PRKCQ: variants seen among roughly 807,000 people sequenced by gnomAD.
PRKCQ encodes the protein protein kinase C theta.
In PRKCQ, 41 loss-of-function variants were observed where a neutral mutation model predicts 91.2. The ratio of observed to expected loss-of-function variants is 0.45; its 90% CI spans 0.35 to 0.58. The LOEUF (loss-of-function observed/expected upper bound fraction) is 0.58, where lower values mean the gene tolerates loss of function less well. Among genes scored for constraint, PRKCQ ranks in the 20% least tolerant of loss-of-function variants. PRKCQ has a pLI of 0.00. For synonymous variants in PRKCQ, 307 were observed against 316.9 expected (o/e 0.97, Z 0.33); for missense variants, 673 against 896.5 (o/e 0.75, Z 3.18).
chr10:6,428,423 C>T, intron 17 of PRKCQ, 61 bp from the exon 18 acceptor site: 3 of 1,564,326 alleles, frequency 1.9e-6, no homozygotes, highest in Non-Finnish European at 2.6e-6. Flanking sequence ...AGTTCATGAT[C>T]TTCACTTTTG....
intron 1 of PRKCQ, among the ~76,000 whole-genome samples, chr10:6,549,590 T>C (rs1840099524): frequency 6.6e-6 from 1 of 151,934 alleles, no homozygotes; most frequent in African/African-American, 2.4e-5. Context: ...TAGCTTTTCT[T>C]ATCATGGTAA....
At chr10:6,519,259 C>T (rs1041445700) in intron 1 of PRKCQ, among the ~76,000 whole-genome samples, 1 of 152,190 alleles carries the variant, frequency 6.6e-6, no homozygotes, top group African/African-American at 2.4e-5. Flanking sequence ...TGCCTCAGGA[C>T]TAAGCTGTGT....
chr10:6,575,256 G>A (rs991259493), intron 1 of PRKCQ, among the ~76,000 whole-genome samples: 8 of 152,152 alleles, frequency 5.3e-5, no homozygotes, highest in African/African-American at 1.7e-4. Flanking sequence ...TCTGAGGCTT[G>A]CAACAAAGGC....
chr10:6,415,747 T>TC, the PRKCQ span, among the ~76,000 whole-genome samples: 72,876 of 119,518 alleles, frequency 0.61, 21,819 homozygotes, highest in East Asian at 0.77. Context: ...TCTCTCTCTC[T>TC]TTTTTTTTTT....
chr10:6,537,559 T>G (rs1023428430), intron 1 of PRKCQ, among the ~76,000 whole-genome samples: 5 of 152,210 alleles, frequency 3.3e-5, no homozygotes, highest in African/African-American at 9.6e-5. Flanking sequence ...CGGGATCTAT[T>G]CTGAAAGCAT....
At chr10:6,432,875 G>T (rs1833490617) in intron 16 of PRKCQ, among the ~76,000 whole-genome samples, 1 of 151,990 alleles carries the variant, frequency 6.6e-6, no homozygotes, top group African/African-American at 2.4e-5. Context: ...ATCTTGCCAT[G>T]AGATACCCTC....
chr10:6,419,252 T>A, the PRKCQ span, among the ~76,000 whole-genome samples: 1 of 152,224 alleles, frequency 6.6e-6, no homozygotes, highest in East Asian at 1.9e-4. Context: ...TGTGTGTACA[T>A]ATGTGTATAC....
chr10:6,548,102 C>G (rs1456580486), intron 1 of PRKCQ, among the ~76,000 whole-genome samples: 2 of 152,184 alleles, frequency 1.3e-5, no homozygotes, highest in East Asian at 3.8e-4. Context: ...CAAAAGAAGA[C>G]ATTTATGCAG....
chr10:6,550,640 C>T (rs914602863), intron 1 of PRKCQ, among the ~76,000 whole-genome samples: 5 of 152,210 alleles, frequency 3.3e-5, no homozygotes, highest in African/African-American at 1.2e-4. Context: ...GGGTCGTCTC[C>T]ACCTCTTGGC....
chr10:6,531,482 C>A (rs1437902455), intron 1 of PRKCQ, among the ~76,000 whole-genome samples: 1 of 151,198 alleles, frequency 6.6e-6, no homozygotes, highest in African/African-American at 2.4e-5. Flanking sequence ...GTCCCCCAAG[C>A]ACCCCCCCAA....
chr10:6,545,821 G>A (rs921071751), intron 1 of PRKCQ, among the ~76,000 whole-genome samples: 1 of 152,114 alleles, frequency 6.6e-6, no homozygotes, highest in Admixed American at 6.5e-5. Flanking sequence ...GACCAGCCTG[G>A]CAAACATGGT....
chr10:6,451,975 G>T (rs1834716438), intron 15 of PRKCQ, among the ~76,000 whole-genome samples: 1 of 152,140 alleles, frequency 6.6e-6, no homozygotes, highest in Non-Finnish European at 1.5e-5. Flanking sequence ...ATATCATACG[G>T]AATGGGCAAA....
At chr10:6,484,020 C>T (rs991622843) in intron 10 of PRKCQ, among the ~76,000 whole-genome samples, 4 of 152,196 alleles carry the variant, frequency 2.6e-5, no homozygotes, top group Non-Finnish European at 4.4e-5. Context: ...ACAGTGGCAT[C>T]AATTTCTACA....
At chr10:6,561,770 C>A (rs781633800) in intron 1 of PRKCQ, among the ~76,000 whole-genome samples, 1 of 152,140 alleles carries the variant, frequency 6.6e-6, no homozygotes, top group Non-Finnish European at 1.5e-5. Flanking sequence ...CTTAACAGCT[C>A]TTTGCAAGTG....
At chr10:6,452,181 T>C (rs1036202541) in intron 15 of PRKCQ, among the ~76,000 whole-genome samples, 37 of 152,260 alleles carry the variant, frequency 2.4e-4, no homozygotes, top group African/African-American at 7.7e-4. Flanking sequence ...AAAACCCCAT[T>C]GTCTCAGCCC....
chr10:6,418,083 G>A, the PRKCQ span, among the ~76,000 whole-genome samples: 5 of 152,168 alleles, frequency 3.3e-5, no homozygotes, highest in African/African-American at 7.2e-5. Flanking sequence ...TTCTGAAAGC[G>A]TATTTGACAG....
intron 11 of PRKCQ, among the ~76,000 whole-genome samples, chr10:6,481,480 A>G (rs542170181): frequency 6.6e-6 from 1 of 152,356 alleles, no homozygotes; most frequent in South Asian, 2.1e-4. Context: ...AACATTGCCT[A>G]TTATGCTCAG....
chr10:6,506,912 T>A (rs1008610597), intron 4 of PRKCQ, among the ~76,000 whole-genome samples: 1 of 152,262 alleles, frequency 6.6e-6, no homozygotes, highest in Non-Finnish European at 1.5e-5. Flanking sequence ...AAAGTCCACA[T>A]GTAACATGGA....
intron 1 of PRKCQ, among the ~76,000 whole-genome samples, chr10:6,546,877 A>G (rs1839971941): frequency 6.6e-6 from 1 of 152,118 alleles, no homozygotes; most frequent in Non-Finnish European, 1.5e-5. Context: ...TCTGTCATAG[A>G]TAGCTCTTAT....
Sources: allele counts gnomAD v4.1 joint callset (sites outside exome capture counted in the v4.1 genomes callset), GRCh38; gene constraint gnomAD v4.1.1; transcripts MANE v1.5; gene names NCBI Gene and HGNC (gene_info 2026-07-23, HGNC 2026-07-21).